The following ATRX variants were observed in gnomAD, a reference collection of about 807,000 sequenced individuals.
The protein encoded by ATRX is ATRX chromatin remodeler.
ATRX carries 12 observed loss-of-function variants against 172.6 expected under a neutral mutation model. That is an observed-to-expected ratio of 0.07 (90% CI 0.04 to 0.11). ATRX has a LOEUF of 0.11. ATRX is among the 10% of genes least tolerant of loss of function. The pLI is 1.00. For missense variants in ATRX, 1,368 were observed against 1,767.4 expected, an observed-to-expected ratio of 0.77 and a Z score of 4.05; for synonymous variants, 674 against 594.7, an observed-to-expected ratio of 1.13 and a Z score of -1.94.
intron 7 of ATRX, among the ~76,000 whole-genome samples, chrX:77,685,755 C>T (rs900006487): frequency 1.9e-4 from 21 of 111,741 alleles, no homozygotes. Flanking sequence ...ATTGTTGGGC[C>T]ACTGTTTACA....
rs782635724 is a variant in ATRX, at chrX:77,629,967, C to T, written c.5134+3240G>A. Among the ~76,000 whole-genome samples, 26 of 112,252 alleles carry T rather than the reference C, an allele frequency of 2.3e-4. No individual in the cohort carries two copies. In the South Asian group the frequency reaches 6.2e-3, roughly 27 times the overall value. On this transcript the variant is annotated intron_variant, in intron 19 of 34. Transcript: ENST00000373344. ...AATAGAAAACTAAATCGCGTGCGTG[C>T]GCGCGCACACACACGCGTGAGCGCA...
intron 22 of ATRX, among the ~76,000 whole-genome samples, chrX:77,614,280 CAG>C (rs1197781849): frequency 8.9e-6 from 1 of 112,008 alleles, no homozygotes; most frequent in East Asian, 2.8e-4. Flanking sequence ...AGAATCAAGA[CAG>C]AGTAGCCATT....
At chrX:77,610,061 T>C (rs2067090157) in intron 22 of ATRX, among the ~76,000 whole-genome samples, 1 of 112,133 alleles carries the variant, frequency 8.9e-6, no homozygotes, top group Non-Finnish European at 1.9e-5. Flanking sequence ...GATGTGATTA[T>C]GCATTGCATG....
rs5959371 is a variant in ATRX at position 77,697,597 on chromosome X, C to T, written c.228G>A (p.Ser76=). Residue 76 remains serine, a synonymous_variant, in exon 4 of 35, where the codon TCG becomes TCA. Transcript: ENST00000373344. The part of the protein sequence containing the change: ...SSSEKSKSSG[S]SRSKRKPSIV... ...CATCAACCAACCTCTTTGATCGTGA[C>T]GATCCTGAAGACTTGGATTTTTCTG... 5.1e-3 allele frequency: 6,199 copies of T among 1,208,385 alleles called. 233 individuals are homozygous for T. In the African/African-American group the frequency reaches 0.098, roughly 19 times the overall value.
intron 1 of ATRX, among the ~76,000 whole-genome samples, chrX:77,739,830 A>G (rs1307809861): frequency 9.2e-6 from 1 of 109,025 alleles, no homozygotes; most frequent in Non-Finnish European, 1.9e-5. Context: ...TGGGTAGATC[A>G]CCTGAGGTCA....
chrX:77,737,435 A>AGGGGGG (rs1210379916), intron 1 of ATRX, among the ~76,000 whole-genome samples: 9 of 39,160 alleles, frequency 2.3e-4, no homozygotes, highest in African/African-American at 8.6e-4. Context: ...AAAAAAAAAA[A>AGGGGGG]GGGGGGGGGG....
chrX:77,747,186 G>A (rs1419457332), intron 1 of ATRX, among the ~76,000 whole-genome samples: 6 of 111,432 alleles, frequency 5.4e-5, no homozygotes, highest in Non-Finnish European at 1.1e-4. Flanking sequence ...CTCTTGCCTC[G>A]AAAACTTCCA....
At position 77,636,194 on chromosome X, in the gene ATRX, T is replaced by C. The variant is rs782722097; in HGVS notation, c.4558-138A>G. 272 of 610,160 alleles carry C rather than the reference T, an allele frequency of 4.5e-4. 2 individuals carry two copies. In the South Asian group the frequency reaches 5.9e-3, roughly 13 times the overall value. The allele number at this position is 610,160 out of a possible 1,213,427, so 50.3% of individuals were successfully genotyped here. A position where few individuals can be genotyped will look rare whatever the true frequency, so the allele number is the denominator to read the frequency against. ...ATCCAATTGGTATGATTTGGATCTG[T>C]GTCCCCACCAAATCTCATGTTAATT... On this transcript the variant is annotated intron_variant, in intron 15 of 34. Coordinates refer to ENST00000373344, the MANE Select transcript of ATRX (RefSeq NM_000489.6).
chrX:77,702,180 C>T (rs1392048520), intron 2 of ATRX, among the ~76,000 whole-genome samples: 2 of 111,553 alleles, frequency 1.8e-5, no homozygotes, highest in African/African-American at 6.5e-5. Flanking sequence ...CAGTGGCTCA[C>T]GCCTGTAATC....
chrX:77,629,965 TGC>T (rs782728201), intron 19 of ATRX, among the ~76,000 whole-genome samples: 6 of 112,267 alleles, frequency 5.3e-5, no homozygotes, highest in Non-Finnish European at 9.4e-5. Flanking sequence ...ATCGCGTGCG[TGC>T]GCGCGCACAC....
At chrX:77,633,854 A>G in intron 17 of ATRX, 142 bp from the exon 18 acceptor site, 2 of 601,282 alleles carry the variant, frequency 3.3e-6, no homozygotes, top group Non-Finnish European at 5.2e-6. Context: ...ACAGGGAAAG[A>G]GATAGTAAAA....
At chrX:77,752,338 C>T (rs1181725781) in intron 1 of ATRX, among the ~76,000 whole-genome samples, 1 of 111,991 alleles carries the variant, frequency 8.9e-6, no homozygotes, top group African/African-American at 3.2e-5. Context: ...TATCCTGAGA[C>T]TTTGCTGAAG....
intron 28 of ATRX, among the ~76,000 whole-genome samples, chrX:77,573,178 A>G (rs1281122814): frequency 2.7e-5 from 3 of 112,091 alleles, no homozygotes; most frequent in Non-Finnish European, 5.7e-5. Context: ...TCATAAGAGT[A>G]TAATACATAT....
intron 28 of ATRX, among the ~76,000 whole-genome samples, chrX:77,570,184 C>CT (rs200709036): frequency 0.062 from 6,398 of 103,194 alleles, 303 homozygotes; most frequent in East Asian, 0.37. Flanking sequence ...TTTCTTCGTT[C>CT]TTTTTTTTTT....
intron 30 of ATRX, among the ~76,000 whole-genome samples, chrX:77,547,713 G>A (rs1236866133): frequency 9.0e-6 from 1 of 111,685 alleles, no homozygotes; most frequent in African/African-American, 3.2e-5. Context: ...TATTGAAAGT[G>A]AAGATCAATA....
chrX:77,624,124 T>C (rs1557101506), intron 19 of ATRX, among the ~76,000 whole-genome samples: 1 of 111,354 alleles, frequency 9.0e-6, no homozygotes, highest in Non-Finnish European at 1.9e-5. Context: ...CCCAGCACTT[T>C]GGGAGGCTGA....
intron 22 of ATRX, among the ~76,000 whole-genome samples, chrX:77,606,128 C>G (rs1253399563): frequency 1.8e-5 from 2 of 110,281 alleles, no homozygotes; most frequent in Non-Finnish European, 3.8e-5. Context: ...GCAAAGAAAA[C>G]CTAGAGACCC....
rs1557207634 is a variant in ATRX, at chrX:77,785,997, G to C, written c.5C>G (p.Thr2Ser). The C allele has an allele frequency of 2.5e-6, 3 of 1,194,326 alleles. No individual in the cohort carries two copies. In the Admixed American group the frequency reaches 6.9e-5, roughly 27 times the overall value. ...TGCGTTTTACCTCATGGGCTCAGCG[G>C]TCATGTTTTCGCTTGAACGCCTTGT... M[T>S]AEPMSESKLN... The change falls in exon 1 of 35, where the codon ACC becomes AGC. Residue 2 changes from threonine (T) to serine (S), a missense_variant. By Grantham distance (58) the Thr-to-Ser change is moderately conservative (BLOSUM62 1). Transcript: ENST00000373344.
chrX:77,735,393 G>A (rs1169901255), intron 1 of ATRX, among the ~76,000 whole-genome samples: 2 of 111,378 alleles, frequency 1.8e-5, no homozygotes, highest in African/African-American at 3.2e-5. Context: ...TCAGGAGATC[G>A]AGACCATTCT....
Sources: allele counts gnomAD v4.1 joint callset (sites outside exome capture counted in the v4.1 genomes callset), GRCh38; gene constraint gnomAD v4.1.1; transcripts MANE v1.5; gene names NCBI Gene and HGNC (gene_info 2026-07-23, HGNC 2026-07-21).